Variants in RND1 observed in about 807,000 individuals in gnomAD.
RND1 encodes rho-related GTP-binding protein Rho6.
RND1 carries 9 observed loss-of-function variants against 27.1 expected under a neutral mutation model. That is an observed-to-expected ratio of 0.33 (90% CI 0.20 to 0.58). The LOEUF (loss-of-function observed/expected upper bound fraction) is 0.58, where lower values mean the gene tolerates loss of function less well. Ranked by LOEUF, RND1 falls within the 20% of genes least tolerant of loss-of-function variation. The pLI, the probability that RND1 is intolerant of heterozygous loss-of-function variation, is 0.86. For missense variants in RND1, 253 were observed against 292.2 expected, an observed-to-expected ratio of 0.87 and a Z score of 0.98; for synonymous variants, 108 against 115.7, an observed-to-expected ratio of 0.93 and a Z score of 0.43.
chr12:48,863,073 CCACTGCAGCACTGAGGAGCGGAAG>C (rs927198687), intron 2 of RND1, among the ~76,000 whole-genome samples: 11 of 152,102 alleles, frequency 7.2e-5, no homozygotes, highest in African/African-American at 2.4e-4. Context: ...TGGGGTCTTA[CCACTGCAGCACTGAGGAGCGGAAG>C]CACTGCAGCA....
At chr12:48,864,693 C>G (rs1397127959) in intron 2 of RND1, 90 bp downstream of exon 2, 1 of 1,000,682 alleles carries the variant, frequency 1.0e-6, no homozygotes, top group Non-Finnish European at 1.6e-6. Context: ...TCACTTCTCC[C>G]CACCAAAGGG....
chr12:48,862,980 T>C (rs1441048119), intron 2 of RND1, among the ~76,000 whole-genome samples: 1 of 151,058 alleles, frequency 6.6e-6, no homozygotes, highest in Admixed American at 6.6e-5. Flanking sequence ...GGTGGGGGGA[T>C]GTTGGTCATT....
chr12:48,862,143 T>C (rs1216831109), intron 2 of RND1, 25 bp from the exon 3 acceptor site: 3 of 1,386,164 alleles, frequency 2.2e-6, no homozygotes, highest in African/African-American at 1.4e-5. Flanking sequence ...AAAGAGCTGA[T>C]GGTGAGCCAT....
chr12:48,858,872 T>C (rs1938878593), intron 4 of RND1: 1 of 126,838 alleles, frequency 7.9e-6, no homozygotes. Context: ...AGACCCTGTC[T>C]CTGGAAAAAA....
rs749685597 is a variant in RND1 at position 48,865,783 on chromosome 12, G to A, written c.-16C>T. On this transcript the variant is annotated 5_prime_UTR_variant, in exon 1 of 5. Coordinates refer to ENST00000309739, the MANE Select transcript of RND1 (RefSeq NM_014470.4). Reference sequence around the variant, plus strand: ...TCTCCTTCATGGTTGCAGTGTCCGCGGGACTTGAACTTCGATTCAGAAGGG... The same window carrying A: ...TCTCCTTCATGGTTGCAGTGTCCGCAGGACTTGAACTTCGATTCAGAAGGG... 7.6e-6 allele frequency: 12 copies of A among 1,574,586 alleles called. No homozygotes were observed. In the Admixed American group the frequency reaches 1.9e-4, roughly 25 times the overall value.
Position 48,857,674 on chromosome 12 carries a change from C to T in RND1, c.*322G>A. On this transcript the variant is annotated 3_prime_UTR_variant, in exon 5 of 5. Coordinates refer to ENST00000309739, the MANE Select transcript of RND1 (RefSeq NM_014470.4). Reference sequence around the variant, plus strand: ...AGGCATGAAGCTGAAGGTGAGGCTGCTGTAGGCCCCCAAGCCCATGAGGCC... The same window carrying T: ...AGGCATGAAGCTGAAGGTGAGGCTGTTGTAGGCCCCCAAGCCCATGAGGCC... 1 of 214,788 alleles carries T rather than the reference C, an allele frequency of 4.7e-6. No homozygotes were observed. The highest frequency in any genetic ancestry group is 9.2e-6 in the Non-Finnish European group (1 of 108,746). The allele number at this position is 214,788 out of a possible 1,614,324, so 13.3% of individuals were successfully genotyped here. A position where few individuals can be genotyped will look rare whatever the true frequency, so the allele number is the denominator to read the frequency against.
Position 48,857,740 on chromosome 12 carries a change from C to CG in RND1, c.*255dup, listed in dbSNP as rs144384916. 0.043 allele frequency: 14,498 copies of CG among 340,658 alleles called. 400 individuals are homozygous for CG. The highest frequency in any genetic ancestry group is 0.053 in the Non-Finnish European group (9,970 of 188,708). 21.1% of individuals were successfully genotyped at this position (340,658 alleles called of 1,614,324 possible). ...CCCCACAGCTTTCCTTCCTCTGGAG[C>CG]GGGGGGGGCACTGGGGTAGTCGCCC... On this transcript the variant is annotated 3_prime_UTR_variant, in exon 5 of 5. Transcript: ENST00000309739.
At chr12:48,860,961 C>T in intron 4 of RND1, 36 bp downstream of exon 4, 1 of 1,612,002 alleles carries the variant, frequency 6.2e-7, no homozygotes. Context: ...GCCTTCCTCA[C>T]TCCACCCCAC....
chr12:48,863,425 A>C (rs926251804), intron 2 of RND1, among the ~76,000 whole-genome samples: 1 of 150,178 alleles, frequency 6.7e-6, no homozygotes, highest in Non-Finnish European at 1.5e-5. Context: ...AGGAGGGAGG[A>C]GGTGGGGGGA....
chr12:48,862,900 G>A (rs568821396), intron 2 of RND1, among the ~76,000 whole-genome samples: 70 of 152,012 alleles, frequency 4.6e-4, no homozygotes, highest in Non-Finnish European at 7.1e-4. Flanking sequence ...CAGACAATCC[G>A]TGCTCAGAAT....
rs1185114513 is a variant in RND1 at position 48,857,866 on chromosome 12, T to TC, written c.*129dup. On this transcript the variant is annotated 3_prime_UTR_variant, in exon 5 of 5. Transcript: ENST00000309739. ...CTTCCTCGCCCCATTCCTGTCTCCT[T>TC]CCAAGCCCTCACCGTGGCCATCTGA... The TC allele has an allele frequency of 8.7e-7, 1 of 1,144,224 alleles. No individual in the cohort carries two copies. Among genetic ancestry groups the TC allele is most frequent in the African/African-American group, 1.6e-5 (1 of 63,590 alleles). The allele number at this position is 1,144,224 out of a possible 1,614,324, so 70.9% of individuals were successfully genotyped here. A position where few individuals can be genotyped will look rare whatever the true frequency, so the allele number is the denominator to read the frequency against.
rs147079309 is a variant in RND1 at position 48,858,712 on chromosome 12, A to C, written c.454-471T>G. The C allele has an allele frequency of 4.6e-3, 701 of 152,770 alleles. 8 individuals carry two copies. The highest frequency in any genetic ancestry group is 0.021 in the East Asian group (108 of 5,190). 9.5% of individuals were successfully genotyped at this position (152,770 alleles called of 1,614,324 possible). A position where few individuals can be genotyped will look rare whatever the true frequency, so the allele number is the denominator to read the frequency against. On this transcript the variant is annotated intron_variant, in intron 4 of 4. Coordinates refer to ENST00000309739, the MANE Select transcript of RND1 (RefSeq NM_014470.4). Reference sequence around the variant, plus strand: ...CAAAAATAAAGATAATAAAATAATAATAAACACTTTTAAAAAATGTTTAAA... The same window carrying C: ...CAAAAATAAAGATAATAAAATAATACTAAACACTTTTAAAAAATGTTTAAA...
At position 48,858,153 on chromosome 12, in the gene RND1, C is replaced by A; in HGVS notation, c.542G>T (p.Arg181Leu). Residue 181 changes from arginine (R) to leucine (L), a missense_variant, in exon 5 of 5, where the codon CGG becomes CTG. Arg to Leu is a moderately radical substitution (Grantham distance 102). Transcript: ENST00000309739. ...GTTCAGACACAGCATGGATGCCGTCCGAAAGATGCTGTGGATGCTCTTTTC... is the reference window on the plus strand; with the variant it reads ...GTTCAGACACAGCATGGATGCCGTCAGAAAGATGCTGTGGATGCTCTTTTC... ...TSEKSIHSIF[R>L]TASMLCLNKP... is the part of the protein sequence containing the mutation. 2 of 1,614,068 alleles carry A rather than the reference C, an allele frequency of 1.2e-6. No individual in the cohort carries two copies. The highest frequency in any genetic ancestry group is 8.5e-7 in the Non-Finnish European group (1 of 1,180,000).
At chr12:48,860,900 C>A in intron 4 of RND1, 97 bp downstream of exon 4, 1 of 1,549,488 alleles carries the variant, frequency 6.5e-7, no homozygotes, top group Non-Finnish European at 8.8e-7. Context: ...TTCTCTCTTG[C>A]CATAGTGGAA....
chr12:48,859,549 A>G (rs1388768269), intron 4 of RND1, among the ~76,000 whole-genome samples: 5 of 151,794 alleles, frequency 3.3e-5, no homozygotes, highest in Admixed American at 6.6e-5. Context: ...CCCCAACCCT[A>G]TGCTCTCATG....
intron 2 of RND1, among the ~76,000 whole-genome samples, chr12:48,862,751 G>T (rs553078589): frequency 6.6e-6 from 1 of 152,252 alleles, no homozygotes; most frequent in East Asian, 1.9e-4. Flanking sequence ...CGATGGCTGG[G>T]GATTTAGAGG....
At position 48,865,693 on chromosome 12, in the gene RND1, C is replaced by T. The variant is rs1217914904; in HGVS notation, c.75G>A (p.Gly25=). The T allele has an allele frequency of 1.2e-6, 2 of 1,614,186 alleles. No individual in the cohort carries two copies. Among genetic ancestry groups the T allele is most frequent in the Non-Finnish European group, 1.7e-6 (2 of 1,180,006 alleles). The stretch of plus-strand genomic sequence containing the variant: ...CTAACACTTGCAACATCGCGGTCTT[C>T]CCACACTGCACGTCCCCGACCAGAA... ...KLVLVGDVQC[G]KTAMLQVLAK... The change falls in exon 1 of 5, where the codon GGG becomes GGA. Residue 25 remains glycine, a synonymous_variant. Coordinates refer to ENST00000309739, the MANE Select transcript of RND1 (RefSeq NM_014470.4).
chr12:48,858,118 G>C lies in RND1; in HGVS notation c.577C>G (p.Pro193Ala). ...ASMLCLNKPS[P>A]LPQKSPVRSL... ...CGGACAGGGCTCTTCTGGGGCAGTGGGCTAGGCTTGTTCAGACACAGCATG... is the reference window on the plus strand; with the variant it reads ...CGGACAGGGCTCTTCTGGGGCAGTGCGCTAGGCTTGTTCAGACACAGCATG... The change falls in exon 5 of 5, where the codon CCA becomes GCA. Residue 193 changes from proline (P) to alanine (A), a missense_variant. Transcript: ENST00000309739. The C allele has an allele frequency of 6.2e-7, 1 of 1,614,222 alleles. No homozygotes were observed. Among genetic ancestry groups the C allele is most frequent in the East Asian group, 2.2e-5 (1 of 44,892 alleles).
chr12:48,859,872 C>CT (rs1164006629), intron 4 of RND1, among the ~76,000 whole-genome samples: 1 of 152,036 alleles, frequency 6.6e-6, no homozygotes, highest in Non-Finnish European at 1.5e-5. Context: ...GCAGATCACA[C>CT]TTTTTTTTCT....
Sources: gnomAD v4.1 joint callset for allele counts (sites outside exome capture counted in the v4.1 genomes callset) on GRCh38, gnomAD v4.1.1 for gene constraint, MANE v1.5 for transcripts, NCBI Gene and HGNC (gene_info 2026-07-23, HGNC 2026-07-21) for gene names.